The following ZMYM2 variants were observed in gnomAD, a reference collection of about 807,000 sequenced individuals.
The protein encoded by ZMYM2 is zinc finger MYM-type protein 2.
Under a neutral mutation model 162.8 loss-of-function variants are expected in ZMYM2, and 56 were observed. The ratio of observed to expected loss-of-function variants is 0.34; its 90% CI spans 0.28 to 0.43. ZMYM2 has a LOEUF of 0.43. Among genes scored for constraint, ZMYM2 ranks in the 20% least tolerant of loss-of-function variants. The pLI, the probability that ZMYM2 is intolerant of heterozygous loss-of-function variation, is 1.00. For synonymous variants in ZMYM2, 510 were observed against 541.6 expected, an observed-to-expected ratio of 0.94 and a Z score of 0.81; for missense variants, 1,275 against 1,621.8, an observed-to-expected ratio of 0.79 and a Z score of 3.67.
intron 3 of ZMYM2, among the ~76,000 whole-genome samples, chr13:19,994,624 G>C (rs954594515): frequency 1.3e-5 from 2 of 151,770 alleles, no homozygotes; most frequent in African/African-American, 4.8e-5. Flanking sequence ...CAAGCAGCTG[G>C]GATTATAGGC....
chr13:20,030,706 G>A (rs893594127), intron 9 of ZMYM2, among the ~76,000 whole-genome samples: 7 of 152,096 alleles, frequency 4.6e-5, no homozygotes, highest in Middle Eastern at 3.4e-3. Flanking sequence ...CCTAATTTTT[G>A]TAGTTTTAGT....
At chr13:20,010,398 C>G (rs8002955) in intron 6 of ZMYM2, among the ~76,000 whole-genome samples, 15,474 of 151,854 alleles carry the variant, frequency 0.1, 1,299 homozygotes, top group African/African-American at 0.22. Context: ...GGGTTTCATT[C>G]GCCATGTTGT....
At chr13:19,963,530 T>C (rs1955468298) in intron 2 of ZMYM2, among the ~76,000 whole-genome samples, 1 of 152,166 alleles carries the variant, frequency 6.6e-6, no homozygotes, top group Non-Finnish European at 1.5e-5. Context: ...TTTTATGTAG[T>C]TGGAGTTGCA....
chr13:19,968,089 A>G (rs1228656594), intron 2 of ZMYM2, among the ~76,000 whole-genome samples: 5 of 152,190 alleles, frequency 3.3e-5, no homozygotes, highest in South Asian at 2.1e-4. Context: ...TGCACTGTCA[A>G]CACTATAACA....
upstream of ZMYM2, among the ~76,000 whole-genome samples, chr13:19,954,126 ATTTT>A (rs781288600): frequency 0.027 from 1,771 of 64,936 alleles, 133 homozygotes; most frequent in African/African-American, 0.081. Flanking sequence ...GCTATGTTTA[ATTTT>A]TTTTTTTTTT....
At chr13:20,014,782 T>TTTTG (rs1555301860) in intron 6 of ZMYM2, among the ~76,000 whole-genome samples, 2 of 148,328 alleles carry the variant, frequency 1.3e-5, no homozygotes, top group African/African-American at 5.0e-5. Flanking sequence ...TTTTTTTTTT[T>TTTTG]GGGGACAAAG....
intron 2 of ZMYM2, among the ~76,000 whole-genome samples, chr13:19,981,867 A>C (rs1957361334): frequency 7.2e-6 from 1 of 139,790 alleles, no homozygotes; most frequent in African/African-American, 2.6e-5. Context: ...CATGTCTAAA[A>C]GCTGTGTGGA....
chr13:19,912,612 G>C, the ZMYM2 span, among the ~76,000 whole-genome samples: 1 of 152,056 alleles, frequency 6.6e-6, no homozygotes, highest in African/African-American at 2.4e-5. Context: ...GGGATTACAG[G>C]CATGAGCCAC....
the ZMYM2 span, among the ~76,000 whole-genome samples, chr13:19,903,483 CAAAAAAAAAAAA>C: frequency 6.0e-5 from 5 of 83,718 alleles, no homozygotes; most frequent in African/African-American, 2.2e-4. Flanking sequence ...ACTAAAAATA[CAAAAAAAAAAAA>C]AAAAAAAAAG....
chr13:19,886,798 C>T, the ZMYM2 span, among the ~76,000 whole-genome samples: 2 of 151,710 alleles, frequency 1.3e-5, no homozygotes, highest in Admixed American at 1.3e-4. Flanking sequence ...TACAGACATT[C>T]ACCACCATGC....
chr13:20,085,770 T>G, intron 24 of ZMYM2, 52 bp from the exon 25 acceptor site: 1 of 1,530,806 alleles, frequency 6.5e-7, no homozygotes, highest in African/African-American at 1.4e-5. Flanking sequence ...AAGAAAAAGT[T>G]GTGGAAATTT....
At chr13:19,957,794 G>A (rs1255591269), upstream of ZMYM2, among the ~76,000 whole-genome samples, 3 of 152,240 alleles carry the variant, frequency 2.0e-5, no homozygotes, top group Non-Finnish European at 1.5e-5. Context: ...CCTCCAACCG[G>A]TGGGAGCCCA....
chr13:19,886,162 CTTTTTTTTTT>C, the ZMYM2 span, among the ~76,000 whole-genome samples: 7 of 98,450 alleles, frequency 7.1e-5, no homozygotes, highest in South Asian at 2.2e-3. Flanking sequence ...TTCTTTCTTT[CTTTTTTTTTT>C]TTTTTTTTTG....
At chr13:19,973,313 G>T (rs1169942367) in intron 2 of ZMYM2, among the ~76,000 whole-genome samples, 1 of 151,964 alleles carries the variant, frequency 6.6e-6, no homozygotes, top group African/African-American at 2.4e-5. Context: ...TTTTATTCTT[G>T]TAAGAAATAG....
the ZMYM2 span, among the ~76,000 whole-genome samples, chr13:19,884,226 A>G: frequency 1.3e-5 from 2 of 152,082 alleles, no homozygotes; most frequent in African/African-American, 4.8e-5. Context: ...AAAATTAGCC[A>G]AGCACAGTAG....
At chr13:19,985,462 T>G (rs1239243350) in intron 2 of ZMYM2, among the ~76,000 whole-genome samples, 1 of 152,182 alleles carries the variant, frequency 6.6e-6, no homozygotes, top group Non-Finnish European at 1.5e-5. Flanking sequence ...AGGTTGGTAC[T>G]TTGGGCTTGC....
the ZMYM2 span, among the ~76,000 whole-genome samples, chr13:19,877,562 A>G: frequency 6.6e-6 from 1 of 152,200 alleles, no homozygotes; most frequent in Non-Finnish European, 1.5e-5. Flanking sequence ...TTTCAACACT[A>G]CTACATTGGG....
intron 3 of ZMYM2, among the ~76,000 whole-genome samples, chr13:20,001,498 T>C (rs1199676250): frequency 6.6e-6 from 1 of 151,402 alleles, no homozygotes; most frequent in Non-Finnish European, 1.5e-5. Flanking sequence ...GTTGAGCAAA[T>C]AGAGTGGTTT....
At chr13:19,926,370 T>TA in the ZMYM2 span, among the ~76,000 whole-genome samples, 25 of 148,998 alleles carry the variant, frequency 1.7e-4, no homozygotes, top group African/African-American at 5.2e-4. Flanking sequence ...ATTTTTTTTT[T>TA]TTTTTTTTTT....
Sources: allele counts gnomAD v4.1 joint callset (sites outside exome capture counted in the v4.1 genomes callset), GRCh38; gene constraint gnomAD v4.1.1; transcripts MANE v1.5; gene names NCBI Gene and HGNC (gene_info 2026-07-23, HGNC 2026-07-21).